Variants in ZBTB25 observed in about 807,000 individuals in gnomAD.
The protein encoded by ZBTB25 is zinc finger and BTB domain containing 25.
In ZBTB25, 20 loss-of-function variants were observed where a neutral mutation model predicts 34.2. The ratio of observed to expected loss-of-function variants is 0.58; its 90% CI spans 0.41 to 0.85. The LOEUF (loss-of-function observed/expected upper bound fraction) is 0.85, where lower values mean the gene tolerates loss of function less well. Among genes scored for constraint, ZBTB25 ranks in the 40% least tolerant of loss-of-function variants. The pLI, the probability that ZBTB25 is intolerant of heterozygous loss-of-function variation, is 0.00. For synonymous variants in ZBTB25, 175 were observed against 186.4 expected (o/e 0.94, Z 0.50); for missense variants, 437 against 521.8 (o/e 0.84, Z 1.58).
At position 64,487,201 on chromosome 14, in the gene ZBTB25, A is replaced by C. The variant is rs764023097; in HGVS notation, c.1030T>G (p.Ser344Ala). ...PVELNCNFSF[S>A]RKRKMSCTIC... The stretch of plus-strand genomic sequence containing the variant: ...GTACAGCTCATTTTTCTTTTCCTTG[A>C]AAAAGAAAAATTACAGTTTAATTCT... Residue 344 changes from serine (S) to alanine (A), a missense_variant, in exon 3 of 3, where the codon TCA (serine) becomes GCA (alanine). Ser to Ala is a moderately conservative substitution (Grantham distance 99). Transcript: ENST00000608382. 1 of 1,613,914 alleles carries C rather than the reference A, an allele frequency of 6.2e-7. No homozygotes were observed. Among genetic ancestry groups the C allele is most frequent in the Non-Finnish European group, 8.5e-7 (1 of 1,179,996 alleles).
chr14:64,503,604 C>A, intron 1 of ZBTB25, 57 bp downstream of exon 1: 1 of 985,672 alleles, frequency 1.0e-6, no homozygotes, highest in Non-Finnish European at 1.2e-6. Flanking sequence ...CTGGGTGGCT[C>A]GCGGCAGGAG....
chr14:64,490,680 T>C (rs896453451), intron 1 of ZBTB25, 140 bp from the exon 2 acceptor site: 11 of 780,712 alleles, frequency 1.4e-5, no homozygotes, highest in Non-Finnish European at 2.1e-5. Context: ...TATTCAAGTT[T>C]TCAATCCTAT....
rs777293375 is a variant in ZBTB25, at chr14:64,468,389, G to A, written c.174-18751C>T. ...GTTTTCTAGAGAATAAGAGTGCAGT[G>A]TAAAAATGGAAACCACAATTTCAGA... On this transcript the variant is annotated intron_variant, in intron 2 of 2. Transcript: ENST00000555220. 4 of 1,596,694 alleles carry A rather than the reference G, an allele frequency of 2.5e-6. No individual in the cohort carries two copies. The African/African-American group carries it at 4.1e-5, about 16-fold the overall frequency.
rs1383197128 is a variant in ZBTB25 at position 64,483,541 on chromosome 14, T to C, written c.*3382A>G. On this transcript the variant is annotated 3_prime_UTR_variant, in exon 3 of 3. Transcript: ENST00000608382. Reference sequence around the variant, plus strand: ...ACCCGCCCGCCTCGGCCTCCCAAAGTGCTGGGATTACAAGCATGAGCCACC... The same window carrying C: ...ACCCGCCCGCCTCGGCCTCCCAAAGCGCTGGGATTACAAGCATGAGCCACC... 1 of 152,084 alleles carries C rather than the reference T, an allele frequency of 6.6e-6. No individual in the cohort carries two copies. Among genetic ancestry groups the C allele is most frequent in the African/African-American group, 2.4e-5 (1 of 41,370 alleles). 9.4% of individuals were successfully genotyped at this position (152,084 alleles called of 1,614,324 possible).
At position 64,454,097 on chromosome 14, in the gene ZBTB25, A is replaced by G. The variant is rs574019869; in HGVS notation, c.174-4459T>C. ...TGAGGAAATACAGAATGTCTTACCA[A>G]AATATTGAGAACGTCTCCAGTTTTT... On this transcript the variant is annotated intron_variant, in intron 2 of 2. Coordinates refer to the ZBTB25 transcript ENST00000555220. Among the ~76,000 whole-genome samples the G allele has an allele frequency of 3.9e-5, 6 of 152,284 alleles. No individual in the cohort carries two copies. The South Asian group carries it at 1.2e-3, about 32-fold the overall frequency.
At chr14:64,473,249 A>G (rs961145900), downstream of ZBTB25, 1 of 167,038 alleles carries the variant, frequency 6.0e-6, no homozygotes, top group African/African-American at 2.4e-5. Flanking sequence ...TTCAAACAGA[A>G]ATTATGTTCC....
chr14:64,457,558 C>T (rs938719899), intron 2 of ZBTB25, among the ~76,000 whole-genome samples: 9 of 151,584 alleles, frequency 5.9e-5, no homozygotes, highest in Non-Finnish European at 1.3e-4. Context: ...CAGGTTCAAG[C>T]GATTCTCCTG....
intron 1 of ZBTB25, among the ~76,000 whole-genome samples, chr14:64,497,839 G>A (rs76541382): frequency 0.056 from 8,502 of 152,210 alleles, 324 homozygotes; most frequent in Non-Finnish European, 0.086. Context: ...ATTCTCTCAG[G>A]CTGTAAGAAT....
chr14:64,476,815 C>A (rs770897216), downstream of ZBTB25, among the ~76,000 whole-genome samples: 1 of 152,024 alleles, frequency 6.6e-6, no homozygotes, highest in East Asian at 1.9e-4. Context: ...GTCCTGATTT[C>A]AGGGTGAATT....
rs143215984 is a variant in ZBTB25, at chr14:64,451,501, A to G, written c.174-1863T>C. ...CATTCTCCTGTTGAGCTTTGATTTT[A>G]TAGGCAAGTTTTAAAATCTGTTCAG... is the stretch of plus-strand genomic sequence containing the variant. On this transcript the variant is annotated intron_variant, in intron 2 of 2. Transcript: ENST00000555220. Among the ~76,000 whole-genome samples the G allele has an allele frequency of 2.6e-3, 393 of 152,370 alleles. 2 individuals carry two copies. The highest frequency in any genetic ancestry group is 6.8e-3 in the Middle Eastern group (2 of 294).
rs190373865 is a variant in ZBTB25, at chr14:64,480,454, G to A, written c.*6469C>T. On this transcript the variant is annotated 3_prime_UTR_variant, in exon 3 of 3. Transcript: ENST00000608382. Reference sequence around the variant, plus strand: ...AGGACGTCAATTTTCGATTAACACAGATTATGGTCGGTAAGAATTAGGTCC... The same window carrying A: ...AGGACGTCAATTTTCGATTAACACAAATTATGGTCGGTAAGAATTAGGTCC... 6 of 339,436 alleles carry A rather than the reference G, an allele frequency of 1.8e-5. No individual in the cohort carries two copies. The highest frequency in any genetic ancestry group is 3.9e-4 in the Middle Eastern group (1 of 2,548). The allele number at this position is 339,436 out of a possible 1,614,324, so 21.0% of individuals were successfully genotyped here.
Position 64,486,781 on chromosome 14 carries a change from A to AAT in ZBTB25, c.*140_*141dup, listed in dbSNP as rs1025138451. The AAT allele has an allele frequency of 7.1e-7, 1 of 1,404,538 alleles. No homozygotes were observed. The highest frequency in any genetic ancestry group is 1.4e-5 in the African/African-American group (1 of 69,214). The allele number at this position is 1,404,538 out of a possible 1,614,324, so 87.0% of individuals were successfully genotyped here. ...ATTAATATGTCTTATGAGAAGATCT[A>AAT]ATATATACAACCTTAAAACCATGGA... On this transcript the variant is annotated 3_prime_UTR_variant, in exon 3 of 3. Coordinates refer to ENST00000608382, the MANE Select transcript of ZBTB25 (RefSeq NM_006977.5).
chr14:64,464,411 A>G (rs574883181), intron 2 of ZBTB25, among the ~76,000 whole-genome samples: 2 of 152,306 alleles, frequency 1.3e-5, no homozygotes, highest in East Asian at 1.9e-4. Context: ...CTGTAATTTT[A>G]AGATCTTGAC....
chr14:64,479,401 C>T lies in ZBTB25; in HGVS notation c.*7522G>A, dbSNP rs2078752958. ...ACAACCAAAAACATCTCCACATCGT[C>T]AAATGTCTCTATGGGGGGGGATAGC... On this transcript the variant is annotated 3_prime_UTR_variant, in exon 3 of 3. Transcript: ENST00000608382. The T allele has an allele frequency of 6.6e-6, 1 of 152,042 alleles. No individual in the cohort carries two copies. The highest frequency in any genetic ancestry group is 1.5e-5 in the Non-Finnish European group (1 of 68,054). The allele number at this position is 152,042 out of a possible 1,614,324, so 9.4% of individuals were successfully genotyped here. A position where few individuals can be genotyped will look rare whatever the true frequency, so the allele number is the denominator to read the frequency against.
intron 2 of ZBTB25, among the ~76,000 whole-genome samples, chr14:64,456,076 G>A (rs898119418): frequency 7.9e-5 from 12 of 152,192 alleles, no homozygotes; most frequent in Non-Finnish European, 1.3e-4. Context: ...GCTGAAAGAC[G>A]GGTAGCTGTA....
intron 2 of ZBTB25, chr14:64,459,735 T>C (rs923781980): frequency 9.2e-6 from 14 of 1,522,318 alleles, no homozygotes; most frequent in Middle Eastern, 1.8e-4. Flanking sequence ...AGAGAAAACA[T>C]TTATTTCTTG....
chr14:64,473,115 A>T (rs1340820900), downstream of ZBTB25: 1 of 167,064 alleles, frequency 6.0e-6, no homozygotes, highest in African/African-American at 2.4e-5. Context: ...CAACCCAGAG[A>T]ATGTGAAAAT....
chr14:64,498,274 C>G (rs2079349321), intron 1 of ZBTB25, among the ~76,000 whole-genome samples: 1 of 151,762 alleles, frequency 6.6e-6, no homozygotes, highest in Non-Finnish European at 1.5e-5. Context: ...TTAGCCCAAA[C>G]AGAATTGAAT....
chr14:64,469,363 T>C, intron 2 of ZBTB25: 1 of 1,614,068 alleles, frequency 6.2e-7, no homozygotes. Flanking sequence ...ATGGGATCAC[T>C]GAAGAGAAAT....
Sources: allele counts gnomAD v4.1 joint callset (sites outside exome capture counted in the v4.1 genomes callset), GRCh38; gene constraint gnomAD v4.1.1; transcripts MANE v1.5; gene names NCBI Gene and HGNC (gene_info 2026-07-23, HGNC 2026-07-21).